The following RYR3 variants were observed in gnomAD, a reference collection of about 807,000 sequenced individuals.
RYR3 encodes brain ryanodine receptor-calcium release channel.
A neutral mutation model predicts 584.3 loss-of-function variants in RYR3; 207 were observed. That is an observed-to-expected ratio of 0.35 (90% CI 0.32 to 0.40). The LOEUF is 0.40. RYR3 is among the 10% of genes least tolerant of loss of function. RYR3 has a pLI of 1.00. For synonymous variants in RYR3, 2,416 were observed against 2,248.5 expected (o/e 1.07, Z -2.11); for missense variants, 5,616 against 6,089.2 (o/e 0.92, Z 2.59).
chr15:33,479,515 G>T (rs1023746235), intron 2 of RYR3, among the ~76,000 whole-genome samples: 1 of 146,768 alleles, frequency 6.8e-6, no homozygotes, highest in Non-Finnish European at 1.5e-5. Flanking sequence ...CATTTATCAG[G>T]CATCATGCGC....
At chr15:33,711,433 T>C (rs1039364510) in intron 43 of RYR3, among the ~76,000 whole-genome samples, 1 of 151,890 alleles carries the variant, frequency 6.6e-6, no homozygotes, top group Non-Finnish European at 1.5e-5. Flanking sequence ...TTAGTAGAGA[T>C]GGGGTTTCAC....
At chr15:33,813,939 A>G (rs1344664885) in intron 74 of RYR3, among the ~76,000 whole-genome samples, 1 of 152,228 alleles carries the variant, frequency 6.6e-6, no homozygotes, top group Non-Finnish European at 1.5e-5. Context: ...CCCAAATTCC[A>G]TCAACAGTTC....
Position 33,854,573 on chromosome 15 carries a change from C to T in RYR3, c.13860+124C>T, listed in dbSNP as rs530976276. The T allele has an allele frequency of 1.1e-3, 1,150 of 1,046,288 alleles. 21 individuals are homozygous for T. In the South Asian group the frequency reaches 0.016, roughly 15 times the overall value. 64.8% of individuals were successfully genotyped at this position (1,046,288 alleles called of 1,614,324 possible). On this transcript the variant is annotated intron_variant, in intron 97 of 103. Coordinates refer to ENST00000634891, the MANE Select transcript of RYR3 (RefSeq NM_001036.6). ...CTTATCAAAGACCAAGAGCCTTATA[C>T]GTGCTGGGGGAACACTTATACAATG...
At chr15:33,801,205 C>T (rs2075900399) in intron 68 of RYR3, among the ~76,000 whole-genome samples, 1 of 152,158 alleles carries the variant, frequency 6.6e-6, no homozygotes, top group African/African-American at 2.4e-5. Context: ...TTCTGACTGA[C>T]AGTTGTCAAT....
At chr15:33,672,159 G>T (rs1273583858) in intron 38 of RYR3, among the ~76,000 whole-genome samples, 1 of 152,030 alleles carries the variant, frequency 6.6e-6, no homozygotes, top group Non-Finnish European at 1.5e-5. Context: ...GGCTGGCGGG[G>T]GGTGGGGTCC....
intron 93 of RYR3, among the ~76,000 whole-genome samples, chr15:33,845,743 T>A (rs989346390): frequency 6.6e-6 from 1 of 152,200 alleles, no homozygotes; most frequent in African/African-American, 2.4e-5. Flanking sequence ...GATCTTTGAA[T>A]TGATGTCAAA....
intron 18 of RYR3, among the ~76,000 whole-genome samples, chr15:33,607,871 C>G (rs1377423570): frequency 6.6e-6 from 1 of 152,072 alleles, no homozygotes; most frequent in African/African-American, 2.4e-5. Flanking sequence ...TCTTCTATTG[C>G]TCTATATAGA....
At chr15:33,636,624 C>T (rs1165459650) in intron 27 of RYR3, 74 bp downstream of exon 27, 3 of 1,300,784 alleles carry the variant, frequency 2.3e-6, no homozygotes, top group Non-Finnish European at 3.2e-6. Flanking sequence ...GAGCGACCTG[C>T]TCTACTTCCT....
chr15:33,699,739 T>C lies in RYR3; in HGVS notation c.6285T>C (p.Arg2095=). The C allele has an allele frequency of 1.2e-6, 2 of 1,613,858 alleles. No homozygotes were observed. The highest frequency in any genetic ancestry group is 1.7e-6 in the Non-Finnish European group (2 of 1,179,798). Residue 2095 remains arginine, a synonymous_variant, in exon 41 of 104, where the codon CGT becomes CGC. Transcript: ENST00000634891. ...AFPKMVASCC[R]FLCYFCRISR... ...CAAAGATGGTTGCTAGCTGCTGCCG[T>C]TTCCTTTGCTATTTCTGTCGAATTA...
intron 3 of RYR3, among the ~76,000 whole-genome samples, chr15:33,506,428 TATC>T (rs1007516219): frequency 2.0e-5 from 3 of 152,314 alleles, no homozygotes; most frequent in Admixed American, 6.5e-5. Flanking sequence ...TCTATAGAAT[TATC>T]ATCATCATCA....
At chr15:33,732,795 C>T (rs1159645563) in intron 48 of RYR3, among the ~76,000 whole-genome samples, 1 of 152,148 alleles carries the variant, frequency 6.6e-6, no homozygotes, top group East Asian at 1.9e-4. Flanking sequence ...TTGAAGCTTC[C>T]CAAGTGATTC....
At chr15:33,702,409 T>C (rs2066372079) in intron 42 of RYR3, among the ~76,000 whole-genome samples, 1 of 152,192 alleles carries the variant, frequency 6.6e-6, no homozygotes, top group South Asian at 2.1e-4. Context: ...TCAATTAATA[T>C]TGATGCAGTG....
At chr15:33,715,343 A>G (rs1421395612) in intron 43 of RYR3, among the ~76,000 whole-genome samples, 1 of 152,258 alleles carries the variant, frequency 6.6e-6, no homozygotes, top group Non-Finnish European at 1.5e-5. Flanking sequence ...TTTATAAAAC[A>G]GTTGAAAAGA....
At chr15:33,676,828 A>G (rs1324272874) in intron 38 of RYR3, among the ~76,000 whole-genome samples, 2 of 152,224 alleles carry the variant, frequency 1.3e-5, no homozygotes, top group Non-Finnish European at 2.9e-5. Context: ...ATGGTGCTTC[A>G]CAGTAATCGA....
chr15:33,724,219 G>A, intron 45 of RYR3, 43 bp downstream of exon 45: 3 of 1,075,836 alleles, frequency 2.8e-6, no homozygotes, highest in South Asian at 1.4e-5. Context: ...AGAAACCTAT[G>A]CCAAGAACAC....
chr15:33,437,863 G>A (rs557546369), intron 1 of RYR3, among the ~76,000 whole-genome samples: 9 of 152,120 alleles, frequency 5.9e-5, no homozygotes, highest in Non-Finnish European at 1.3e-4. Context: ...TTCCCAAGTA[G>A]CTGGGACTAC....
At chr15:33,766,236 T>C (rs1247570013) in intron 60 of RYR3, among the ~76,000 whole-genome samples, 3 of 148,358 alleles carry the variant, frequency 2.0e-5, no homozygotes, top group Non-Finnish European at 4.4e-5. Flanking sequence ...TGAGCCGAGA[T>C]GGCACCACTA....
In RYR3 at chr15:33,628,560, C is replaced by G. The variant is rs748527946; in HGVS notation, c.2664C>G (p.Gly888=). ...GGGGAATGAATAAAATAGAACTTGGCTGGACTTTCGGCAAGGTATGTGTCT... is the reference window on the plus strand; with the variant it reads ...GGGGAATGAATAAAATAGAACTTGGGTGGACTTTCGGCAAGGTATGTGTCT... ...ELWGMNKIEL[G]WTFGKIRDDN... The change falls in exon 21 of 104, where the codon GGC becomes GGG. Residue 888 remains glycine, a synonymous_variant. Coordinates refer to ENST00000634891, the MANE Select transcript of RYR3 (RefSeq NM_001036.6). 17 of 1,612,296 alleles carry G rather than the reference C, an allele frequency of 1.1e-5. No homozygotes were observed. The highest frequency in any genetic ancestry group is 1.4e-5 in the Non-Finnish European group (17 of 1,178,430).
At chr15:33,725,968 C>CA (rs1264547706) in intron 45 of RYR3, among the ~76,000 whole-genome samples, 25 of 27,666 alleles carry the variant, frequency 9.0e-4, no homozygotes, top group Non-Finnish European at 1.9e-3. Context: ...AGACTCCATC[C>CA]CCCCCCCCAA....
Sources: gnomAD v4.1 joint callset for allele counts (sites outside exome capture counted in the v4.1 genomes callset) on GRCh38, gnomAD v4.1.1 for gene constraint, MANE v1.5 for transcripts, NCBI Gene and HGNC (gene_info 2026-07-23, HGNC 2026-07-21) for gene names.